The following NAV1 variants were observed in gnomAD, a reference collection of about 807,000 sequenced individuals.
The protein encoded by NAV1 is pore membrane and/or filament interacting like protein 3.
Under a neutral mutation model 175.2 loss-of-function variants are expected in NAV1, and 18 were observed. The ratio of observed to expected loss-of-function variants is 0.10; its 90% CI spans 0.07 to 0.15. The LOEUF is 0.15. NAV1 is among the 10% of genes least tolerant of loss of function. The pLI, the probability that NAV1 is intolerant of heterozygous loss-of-function variation, is 1.00. For synonymous variants in NAV1, 897 were observed against 978.7 expected (o/e 0.92, Z 1.56); for missense variants, 1,731 against 2,436.6 (o/e 0.71, Z 6.10).
intron 1 of NAV1, among the ~76,000 whole-genome samples, chr1:201,699,539 C>A (rs1671325384): frequency 6.6e-6 from 1 of 152,154 alleles, no homozygotes; most frequent in East Asian, 1.9e-4. Flanking sequence ...AGATTCAATG[C>A]CATCCCCACC....
Position 201,779,598 on chromosome 1 carries a change from CAAAAAAAA to C in NAV1, c.1227-807_1227-800del, listed in dbSNP as rs10624879. Among the ~76,000 whole-genome samples, 297 of 69,074 alleles carry C rather than the reference CAAAAAAAA, an allele frequency of 4.3e-3. 6 individuals are homozygous for C. The highest frequency in any genetic ancestry group is 0.021 in the African/African-American group (269 of 12,842). The allele number at this position is 69,074 out of a possible 152,430, so 45.3% of individuals were successfully genotyped here. A position where few individuals can be genotyped will look rare whatever the true frequency, so the allele number is the denominator to read the frequency against. On this transcript the variant is annotated intron_variant, in intron 3 of 29. Coordinates refer to ENST00000367296, the Ensembl canonical transcript of NAV1. ...GGGGCAACAGAGCAGGACTCCGTCTCAAAAAAAAAAAAAAAAAAAAAAAGAACAGCCAA... is the reference window on the plus strand; with the variant it reads ...GGGGCAACAGAGCAGGACTCCGTCTCAAAAAAAAAAAAAAAGAACAGCCAA...
chr1:201,689,994 C>A (rs1379158876), intron 1 of NAV1, among the ~76,000 whole-genome samples: 1 of 148,746 alleles, frequency 6.7e-6, no homozygotes, highest in Non-Finnish European at 1.5e-5. Flanking sequence ...CGTGGCCTGT[C>A]CATGCAGTGT....
intron 1 of NAV1, among the ~76,000 whole-genome samples, chr1:201,674,706 G>A (rs1233252375): frequency 2.0e-5 from 3 of 152,110 alleles, no homozygotes; most frequent in Non-Finnish European, 2.9e-5. Flanking sequence ...AGAGAGAGTT[G>A]TGGGGGTAAG....
In NAV1 at chr1:201,539,921, T is replaced by A. The variant is rs971995175; in HGVS notation, c.-144+579T>A. On this transcript the variant is annotated intron_variant, in intron 1 of 33. Coordinates refer to the NAV1 transcript ENST00000685211. This position sits in a 1 kb window ranked among gnomAD's most constrained non-coding sequence, Gnocchi z 5.6. ...CGCCAATCTCCCGGAGGCCGTCCTC[T>A]CTGGCGCCCGCCCAGTGCGTCTGGG... Among the ~76,000 whole-genome samples, 13 of 152,176 alleles carry A rather than the reference T, an allele frequency of 8.5e-5. No homozygotes were observed. Among genetic ancestry groups the A allele is most frequent in the African/African-American group, 2.9e-4 (12 of 41,452 alleles).
At chr1:201,611,210 C>T (rs1667835167) in intron 2 of NAV1, among the ~76,000 whole-genome samples, 1 of 152,198 alleles carries the variant, frequency 6.6e-6, no homozygotes, top group African/African-American at 2.4e-5. Context: ...GGGGTGATTG[C>T]ATTCTCTGCC....
At chr1:201,549,150 C>T (rs1246911069) in intron 1 of NAV1, among the ~76,000 whole-genome samples, 2 of 139,196 alleles carry the variant, frequency 1.4e-5, no homozygotes, top group African/African-American at 2.7e-5. Flanking sequence ...TTTCTTCTTT[C>T]TCTCTCTCTC....
intron 3 of NAV1, among the ~76,000 whole-genome samples, chr1:201,739,089 G>A (rs1422099954): frequency 6.6e-6 from 1 of 152,188 alleles, no homozygotes; most frequent in African/African-American, 2.4e-5. Context: ...GGAGGACCCT[G>A]CTACTGGATC....
rs553561493 is a variant in NAV1, at chr1:201,814,814, C to T, written c.5340+1556C>T. Among the ~76,000 whole-genome samples, 193 of 151,796 alleles carry T rather than the reference C, an allele frequency of 1.3e-3. 1 individual carries two copies. The highest frequency in any genetic ancestry group is 3.8e-3 in the African/African-American group (156 of 41,416). On this transcript the variant is annotated intron_variant, in intron 28 of 29. Transcript: ENST00000367296. ...CAGCACTTTGGGAGGCCAAGGCAGG[C>T]GGATCACAAGGTCAGGAGATCGAGA...
At chr1:201,724,492 G>C (rs1350925863) in intron 3 of NAV1, 1 of 152,298 alleles carries the variant, frequency 6.6e-6, no homozygotes, top group Non-Finnish European at 1.5e-5. Flanking sequence ...TGGGTGAGCT[G>C]TGTCTGAGCT....
At chr1:201,818,532 A>AC (rs1679203542) in intron 29 of NAV1, among the ~76,000 whole-genome samples, 1 of 151,692 alleles carries the variant, frequency 6.6e-6, no homozygotes, top group Non-Finnish European at 1.5e-5. Context: ...CCCTCTCAAA[A>AC]AAAAAAAAAA....
At chr1:201,558,757 G>A (rs1408744245) in intron 1 of NAV1, among the ~76,000 whole-genome samples, 1 of 151,882 alleles carries the variant, frequency 6.6e-6, no homozygotes, top group African/African-American at 2.4e-5. Flanking sequence ...GCACAGGTGT[G>A]GTGTTTAATT....
chr1:201,729,181 A>G (rs1361726552), intron 3 of NAV1, among the ~76,000 whole-genome samples: 1 of 152,228 alleles, frequency 6.6e-6, no homozygotes, highest in Non-Finnish European at 1.5e-5. Flanking sequence ...TGGTGCCTGG[A>G]AATTCCATGT....
intron 1 of NAV1, among the ~76,000 whole-genome samples, chr1:201,559,529 C>T (rs1666133992): frequency 6.6e-6 from 1 of 152,104 alleles, no homozygotes; most frequent in African/African-American, 2.4e-5. Flanking sequence ...GTCGAGGTGC[C>T]ATGCATGTGG....
At chr1:201,738,223 C>T (rs957727331) in intron 3 of NAV1, among the ~76,000 whole-genome samples, 2 of 152,016 alleles carry the variant, frequency 1.3e-5, no homozygotes, top group Admixed American at 6.6e-5. Flanking sequence ...TGTCTGCCCC[C>T]CATGCTAGGG....
intron 3 of NAV1, among the ~76,000 whole-genome samples, chr1:201,732,940 G>A (rs982489576): frequency 1.2e-4 from 18 of 151,934 alleles, no homozygotes; most frequent in African/African-American, 1.9e-4. Flanking sequence ...GCATGGTGGC[G>A]CGTGCCTGTA....
intron 3 of NAV1, among the ~76,000 whole-genome samples, chr1:201,747,875 A>T (rs2102584734): frequency 6.6e-6 from 1 of 152,338 alleles, no homozygotes; most frequent in African/African-American, 2.4e-5. Context: ...GCCAACTCAG[A>T]TTCCCATGCT....
At chr1:201,601,142 A>G (rs759294075) in intron 2 of NAV1, among the ~76,000 whole-genome samples, 1 of 152,182 alleles carries the variant, frequency 6.6e-6, no homozygotes, top group Admixed American at 6.5e-5. Flanking sequence ...CAGCTCTAAC[A>G]TGGATAGCTG....
chr1:201,685,561 T>A (rs1463909726), intron 1 of NAV1, among the ~76,000 whole-genome samples: 1 of 152,210 alleles, frequency 6.6e-6, no homozygotes, highest in Non-Finnish European at 1.5e-5. Context: ...GAACACCTGA[T>A]ATTTCCTGAT....
chr1:201,660,345 C>G (rs1222979745), intron 1 of NAV1, among the ~76,000 whole-genome samples: 1 of 152,156 alleles, frequency 6.6e-6, no homozygotes, highest in Non-Finnish European at 1.5e-5. Context: ...GGTTTGCTTG[C>G]TGCTTGACAG....
Sources: gnomAD v4.1 joint callset for allele counts (sites outside exome capture counted in the v4.1 genomes callset) on GRCh38, gnomAD v4.1.1 for gene constraint, Gnocchi (gnomAD v3.1) non-coding constraint, MANE v1.5 for transcripts, NCBI Gene and HGNC (gene_info 2026-07-23, HGNC 2026-07-21) for gene names.